Variants in RBFOX1 observed in about 807,000 individuals in gnomAD.
The protein encoded by RBFOX1 is RNA binding fox-1 homolog 1, also known as RNA binding protein fox-1 homolog 1.
A neutral mutation model predicts 57.7 loss-of-function variants in RBFOX1; 8 were observed. The ratio of observed to expected loss-of-function variants is 0.14; its 90% CI spans 0.08 to 0.25. RBFOX1 has a LOEUF of 0.25. RBFOX1 is among the 10% of genes least tolerant of loss of function. The probability of loss-of-function intolerance (pLI) is 1.00; values close to 1 mark genes in which losing one functional copy is unlikely to be tolerated. For missense variants in RBFOX1, 611 were observed against 548.5 expected, an observed-to-expected ratio of 1.11 and a Z score of -1.14; for synonymous variants, 326 against 222.4, an observed-to-expected ratio of 1.47 and a Z score of -4.15.
intron 3 of RBFOX1, among the ~76,000 whole-genome samples, chr16:6,736,332 C>T (rs1364224753): frequency 6.6e-6 from 1 of 152,110 alleles, no homozygotes; most frequent in Non-Finnish European, 1.5e-5. Context: ...CCCAAGTCCC[C>T]AAAGTCCATT....
intron 3 of RBFOX1, among the ~76,000 whole-genome samples, chr16:5,629,244 T>G (rs1304389558): frequency 1.3e-5 from 2 of 152,230 alleles, no homozygotes; most frequent in African/African-American, 4.8e-5. Flanking sequence ...CCTCTATCCC[T>G]ACTCCTCCAT....
At chr16:6,184,480 T>C (rs2097092048) in intron 1 of RBFOX1, among the ~76,000 whole-genome samples, 1 of 152,166 alleles carries the variant, frequency 6.6e-6, no homozygotes, top group South Asian at 2.1e-4. Flanking sequence ...AAGCAAAGAC[T>C]ATATGATCGT....
At chr16:7,387,900 G>A (rs1357119208) in intron 4 of RBFOX1, among the ~76,000 whole-genome samples, 1 of 152,092 alleles carries the variant, frequency 6.6e-6, no homozygotes, top group Non-Finnish European at 1.5e-5. Context: ...TGCTGTCTTT[G>A]ATTTTCCACT....
At chr16:7,434,076 G>T (rs1053738230) in intron 4 of RBFOX1, among the ~76,000 whole-genome samples, 1 of 152,148 alleles carries the variant, frequency 6.6e-6, no homozygotes, top group African/African-American at 2.4e-5. Context: ...ATGTAAAGCA[G>T]GTAAAAAGGA....
chr16:7,299,257 G>A (rs1049804990), intron 4 of RBFOX1, among the ~76,000 whole-genome samples: 1 of 152,156 alleles, frequency 6.6e-6, no homozygotes, highest in African/African-American at 2.4e-5. Flanking sequence ...GTTAACTGAT[G>A]TCAGTCTTTT....
chr16:6,350,024 G>A (rs566100264), intron 2 of RBFOX1, among the ~76,000 whole-genome samples: 11 of 152,076 alleles, frequency 7.2e-5, no homozygotes, highest in Middle Eastern at 3.4e-3. Flanking sequence ...TAATTACTTT[G>A]GTACGCTCAA....
intron 4 of RBFOX1, among the ~76,000 whole-genome samples, chr16:7,088,131 T>C (rs757443676): frequency 6.6e-6 from 1 of 151,656 alleles, no homozygotes; most frequent in African/African-American, 2.4e-5. Flanking sequence ...CAAAAAAATG[T>C]GTATGTGTAT....
intron 1 of RBFOX1, among the ~76,000 whole-genome samples, chr16:5,432,418 A>G (rs1245221048): frequency 4.6e-5 from 7 of 151,514 alleles, no homozygotes; most frequent in Non-Finnish European, 8.8e-5. Context: ...TAGAAGACGC[A>G]CCCGTATTTA....
Position 5,774,058 on chromosome 16 carries a change from C to T in RBFOX1, c.319-93245C>T, listed in dbSNP as rs1010483244. On this transcript the variant is annotated intron_variant, in intron 3 of 19. Coordinates refer to the RBFOX1 transcript ENST00000641259. Reference sequence around the variant, plus strand: ...CACATAGGTCATAGTCATTTACATTCCCACCAACAATGTGATGTCTGCTTT... The same window carrying T: ...CACATAGGTCATAGTCATTTACATTTCCACCAACAATGTGATGTCTGCTTT... Among the ~76,000 whole-genome samples, 3 of 152,152 alleles carry T rather than the reference C, an allele frequency of 2.0e-5. No individual in the cohort carries two copies. The South Asian group carries it at 6.2e-4, about 32-fold the overall frequency.
At chr16:5,933,871 T>G (rs1456575685) in intron 4 of RBFOX1, among the ~76,000 whole-genome samples, 1 of 152,084 alleles carries the variant, frequency 6.6e-6, no homozygotes. Flanking sequence ...GGGGGTTTGT[T>G]GTACAGATTA....
intron 2 of RBFOX1, among the ~76,000 whole-genome samples, chr16:6,523,596 C>G (rs545661978): frequency 6.6e-6 from 1 of 152,290 alleles, no homozygotes; most frequent in Admixed American, 6.5e-5. Context: ...ATGAGTGCAT[C>G]TGTCAAATCA....
At chr16:6,926,656 G>T (rs1340631813) in intron 3 of RBFOX1, among the ~76,000 whole-genome samples, 1 of 152,098 alleles carries the variant, frequency 6.6e-6, no homozygotes, top group Admixed American at 6.5e-5. Context: ...TTTGCGGGCT[G>T]AGTAAACATA....
intron 3 of RBFOX1, among the ~76,000 whole-genome samples, chr16:6,728,053 A>T (rs916200899): frequency 6.6e-6 from 1 of 152,244 alleles, no homozygotes; most frequent in South Asian, 2.1e-4. Flanking sequence ...TCTAAGTAAC[A>T]TAATGCAGTC....
At chr16:6,142,520 C>T (rs2096726995) in intron 1 of RBFOX1, among the ~76,000 whole-genome samples, 1 of 151,544 alleles carries the variant, frequency 6.6e-6, no homozygotes, top group South Asian at 2.1e-4. Flanking sequence ...CATGCCTGGC[C>T]AAAAAAATCC....
At chr16:5,834,568 T>C (rs2056388069) in intron 3 of RBFOX1, among the ~76,000 whole-genome samples, 1 of 148,842 alleles carries the variant, frequency 6.7e-6, no homozygotes, top group African/African-American at 2.5e-5. Flanking sequence ...AATATAGAAG[T>C]GCATGTGTCA....
chr16:6,597,665 T>A (rs1189215421), intron 2 of RBFOX1, among the ~76,000 whole-genome samples: 4 of 151,932 alleles, frequency 2.6e-5, no homozygotes, highest in African/African-American at 9.7e-5. Flanking sequence ...AGAGCAAGAC[T>A]CCATCTCAAA....
At chr16:7,336,491 T>C (rs574173739) in intron 4 of RBFOX1, among the ~76,000 whole-genome samples, 1 of 152,382 alleles carries the variant, frequency 6.6e-6, no homozygotes, top group African/African-American at 2.4e-5. Flanking sequence ...CACCTCATCA[T>C]GCATTTGTTC....
At chr16:6,909,998 G>A (rs1306835794) in intron 3 of RBFOX1, among the ~76,000 whole-genome samples, 1 of 151,980 alleles carries the variant, frequency 6.6e-6, no homozygotes, top group Non-Finnish European at 1.5e-5. Flanking sequence ...CTTGAAAGGT[G>A]TTGTTTGTTT....
At chr16:5,827,794 C>T (rs1456137727) in intron 3 of RBFOX1, among the ~76,000 whole-genome samples, 2 of 152,102 alleles carry the variant, frequency 1.3e-5, no homozygotes, top group African/African-American at 4.8e-5. Flanking sequence ...CTCCTACACT[C>T]GTCCATTCAT....
Sources: gnomAD v4.1 joint callset for allele counts (sites outside exome capture counted in the v4.1 genomes callset) on GRCh38, gnomAD v4.1.1 for gene constraint, MANE v1.5 for transcripts, NCBI Gene and HGNC (gene_info 2026-07-23, HGNC 2026-07-21) for gene names.